The following PAM variants were observed in gnomAD, a reference collection of about 807,000 sequenced individuals.
PAM encodes peptidyl-glycine alpha-amidating monooxygenase.
A neutral mutation model predicts 122.1 loss-of-function variants in PAM; 72 were observed. That is an observed-to-expected ratio of 0.59 (90% CI 0.49 to 0.72). The LOEUF is 0.72. Among genes scored for constraint, PAM ranks in the 30% least tolerant of loss-of-function variants. The pLI is 0.00. For missense variants in PAM, 1,106 were observed against 1,183.7 expected (o/e 0.93, Z 0.96); for synonymous variants, 389 against 404.4 (o/e 0.96, Z 0.46).
intron 1 of PAM, among the ~76,000 whole-genome samples, chr5:102,767,688 T>C (rs2149730210): frequency 6.6e-6 from 1 of 152,326 alleles, no homozygotes; most frequent in South Asian, 2.1e-4. Flanking sequence ...TCTTAATTGC[T>C]GTACTTTCAT....
rs139308957 is a variant in PAM at position 102,824,767 on chromosome 5, C to G, written c.-373-41056C>G. On this transcript the variant is annotated intron_variant, in intron 1 of 25. Coordinates refer to ENST00000438793, the MANE Select transcript of PAM (RefSeq NM_001177306.2). ...AGTGTTTCCTAATTAGTTTTATGGA[C>G]GTAGAAACAAATCACTTAAAAAATT... is the stretch of plus-strand genomic sequence containing the variant. Among the ~76,000 whole-genome samples the G allele has an allele frequency of 3.6e-5, 4 of 112,374 alleles. No homozygotes were observed. In the East Asian group the frequency reaches 1.1e-3, roughly 31 times the overall value. The allele number at this position is 112,374 out of a possible 152,430, so 73.7% of individuals were successfully genotyped here. A position where few individuals can be genotyped will look rare whatever the true frequency, so the allele number is the denominator to read the frequency against.
chr5:102,760,987 G>A (rs74815030), intron 1 of PAM, among the ~76,000 whole-genome samples: 4,369 of 152,294 alleles, frequency 0.029, 110 homozygotes, highest in East Asian at 0.14. Context: ...TTGAACTGCT[G>A]AACACTGTCT....
rs775810552 is a variant in PAM, at chr5:102,779,924, C to CACACACACACACAT, written c.-374+24577_-374+24578insCACACACACACATA. Among the ~76,000 whole-genome samples, 2 of 85,972 alleles carry CACACACACACACAT rather than the reference C, an allele frequency of 2.3e-5. 1 individual carries two copies. The highest frequency in any genetic ancestry group is 8.7e-5 in the African/African-American group (2 of 22,894). The allele number at this position is 85,972 out of a possible 152,430, so 56.4% of individuals were successfully genotyped here. A position where few individuals can be genotyped will look rare whatever the true frequency, so the allele number is the denominator to read the frequency against. ...ATATATATATATATATATATACACACATATATATATGTATATATCTCCTAA... is the reference window on the plus strand; with the variant it reads ...ATATATATATATATATATATACACACACACACACACACATATATATATATGTATATATCTCCTAA... On this transcript the variant is annotated intron_variant, in intron 1 of 25. Transcript: ENST00000438793.
chr5:102,986,100 C>A (rs1215246483), intron 15 of PAM, among the ~76,000 whole-genome samples: 1 of 151,984 alleles, frequency 6.6e-6, no homozygotes, highest in Admixed American at 6.6e-5. Flanking sequence ...TAATAAAGTC[C>A]CCGTAGAGCA....
chr5:102,955,891 T>C (rs1463761853), intron 12 of PAM, among the ~76,000 whole-genome samples: 1 of 152,016 alleles, frequency 6.6e-6, no homozygotes, highest in Non-Finnish European at 1.5e-5. Flanking sequence ...TTTTTTGTTT[T>C]TGAATGAAAG....
intron 1 of PAM, among the ~76,000 whole-genome samples, chr5:102,784,338 G>A (rs945092486): frequency 6.6e-6 from 1 of 151,928 alleles, no homozygotes; most frequent in African/African-American, 2.4e-5. Context: ...CTGTTTTGGT[G>A]GGCTAGAATG....
intron 1 of PAM, among the ~76,000 whole-genome samples, chr5:102,825,502 G>A (rs1177215931): frequency 1.3e-5 from 2 of 152,136 alleles, no homozygotes; most frequent in Non-Finnish European, 2.9e-5. Context: ...GTCAACATGC[G>A]ATGCTGGGAA....
At chr5:102,875,577 A>G (rs1471229250) in intron 3 of PAM, among the ~76,000 whole-genome samples, 2 of 152,186 alleles carry the variant, frequency 1.3e-5, no homozygotes, top group Non-Finnish European at 2.9e-5. Flanking sequence ...TTCTGGCAAG[A>G]TATTCTTGGT....
chr5:102,991,701 A>T (rs1466388440), intron 16 of PAM, among the ~76,000 whole-genome samples: 1 of 152,160 alleles, frequency 6.6e-6, no homozygotes, highest in East Asian at 1.9e-4. Flanking sequence ...ATGGAATCTG[A>T]AAAAGATCAC....
intron 15 of PAM, chr5:102,987,674 C>A (rs1772361697): frequency 2.8e-6 from 1 of 356,210 alleles, no homozygotes; most frequent in Non-Finnish European, 5.5e-6. Flanking sequence ...AAACATGTTT[C>A]TAAACCTTCA....
In PAM at chr5:102,998,370, G is replaced by A. The variant is rs1434530006; in HGVS notation, c.1614-4663G>A. Among the ~76,000 whole-genome samples, 4 of 152,142 alleles carry A rather than the reference G, an allele frequency of 2.6e-5. No homozygotes were observed. The East Asian group carries it at 7.7e-4, about 29-fold the overall frequency. ...TCATTCTGCAGAGAGGGGAAGATGT[G>A]GAATTATGTGTGCTGAGGTCTAATA... On this transcript the variant is annotated intron_variant, in intron 16 of 25. Coordinates refer to ENST00000438793, the MANE Select transcript of PAM (RefSeq NM_001177306.2).
At chr5:102,998,970 G>T (rs1044803774) in intron 16 of PAM, among the ~76,000 whole-genome samples, 6 of 152,186 alleles carry the variant, frequency 3.9e-5, no homozygotes, top group African/African-American at 1.2e-4. Context: ...GTTCAGCATG[G>T]CTGGTGAAGC....
At chr5:102,960,365 C>T (rs946890663) in intron 13 of PAM, among the ~76,000 whole-genome samples, 2 of 151,996 alleles carry the variant, frequency 1.3e-5, no homozygotes, top group Admixed American at 6.6e-5. Flanking sequence ...CATCTAACTC[C>T]TTCCCTAACC....
At chr5:102,806,986 T>C (rs951194786) in intron 1 of PAM, among the ~76,000 whole-genome samples, 4 of 152,232 alleles carry the variant, frequency 2.6e-5, no homozygotes, top group African/African-American at 9.6e-5. Flanking sequence ...TTCATCTAAA[T>C]TGAAATAGAG....
rs146007080 is a variant in PAM, at chr5:102,939,054, A to G, written c.527-7783A>G. Among the ~76,000 whole-genome samples the G allele has an allele frequency of 5.1e-3, 779 of 152,308 alleles. 7 individuals are homozygous for G. The highest frequency in any genetic ancestry group is 0.018 in the African/African-American group (742 of 41,568). On this transcript the variant is annotated intron_variant, in intron 7 of 25. Transcript: ENST00000438793. ...AATTGACTGTTTTACTTGTAAAACG[A>G]AAAGGATACCCTAAATAGATACATG...
At chr5:102,821,677 A>C (rs1201704209) in intron 1 of PAM, among the ~76,000 whole-genome samples, 6 of 152,172 alleles carry the variant, frequency 3.9e-5, no homozygotes, top group Non-Finnish European at 8.8e-5. Flanking sequence ...TGAAGAAAGT[A>C]CTGTTATAAT....
In PAM at chr5:102,990,381, T is replaced by C. The variant is rs1384781831; in HGVS notation, c.1593T>C (p.Gly531=). Residue 531 remains glycine, a synonymous_variant, in exon 16 of 26, where the codon GGT becomes GGC. Coordinates refer to ENST00000438793, the MANE Select transcript of PAM (RefSeq NM_001177306.2). ...ATAACCTGGTGATTTTCCACAGAGG[T>C]GACCATGTCTGGGATGGAAAGTAAG... ...PKNNLVIFHR[G]DHVWDGNSFD... is the part of the protein sequence containing the mutation. 2 of 1,602,420 alleles carry C rather than the reference T, an allele frequency of 1.2e-6. No individual in the cohort carries two copies. The highest frequency in any genetic ancestry group is 1.7e-6 in the Non-Finnish European group (2 of 1,172,786).
intron 1 of PAM, among the ~76,000 whole-genome samples, chr5:102,845,906 G>A (rs1779830642): frequency 6.6e-6 from 1 of 152,246 alleles, no homozygotes; most frequent in Non-Finnish European, 1.5e-5. Context: ...AGCTTCCTTT[G>A]TGATCTATGT....
intron 15 of PAM, among the ~76,000 whole-genome samples, chr5:102,985,837 TCC>T (rs1771639438): frequency 6.6e-6 from 1 of 151,902 alleles, no homozygotes; most frequent in African/African-American, 2.4e-5. Flanking sequence ...AAATGCAAAA[TCC>T]TCAACACAGT....
Sources: allele counts gnomAD v4.1 joint callset (sites outside exome capture counted in the v4.1 genomes callset), GRCh38; gene constraint gnomAD v4.1.1; transcripts MANE v1.5; gene names NCBI Gene and HGNC (gene_info 2026-07-23, HGNC 2026-07-21).